CDH13: variants seen among roughly 807,000 people sequenced by gnomAD.
CDH13 encodes cadherin-13.
In CDH13, 24 loss-of-function variants were observed where a neutral mutation model predicts 63.8. That is an observed-to-expected ratio of 0.38 (90% CI 0.27 to 0.53). The LOEUF (loss-of-function observed/expected upper bound fraction) is 0.53, where lower values mean the gene tolerates loss of function less well. Among genes scored for constraint, CDH13 ranks in the 20% least tolerant of loss-of-function variants. The probability of loss-of-function intolerance (pLI) is 0.85; values close to 1 mark genes in which losing one functional copy is unlikely to be tolerated. For synonymous variants in CDH13, 503 were observed against 355.3 expected (o/e 1.42, Z -4.67); for missense variants, 1,049 against 903.1 (o/e 1.16, Z -2.07).
At chr16:83,385,599 A>G (rs140037134) in intron 6 of CDH13, among the ~76,000 whole-genome samples, 2,143 of 152,296 alleles carry the variant, frequency 0.014, 18 homozygotes, top group Middle Eastern at 0.034. Flanking sequence ...TGGGGTCTCT[A>G]TGGTCACCTA....
chr16:83,141,008 C>G (rs1006519532), intron 4 of CDH13, among the ~76,000 whole-genome samples: 1 of 152,174 alleles, frequency 6.6e-6, no homozygotes, highest in Non-Finnish European at 1.5e-5. Context: ...TTTGAAGTTC[C>G]CAATGAACCA....
At chr16:82,889,240 A>C (rs1318911668) in intron 2 of CDH13, among the ~76,000 whole-genome samples, 2 of 152,150 alleles carry the variant, frequency 1.3e-5, no homozygotes, top group Admixed American at 6.5e-5. Context: ...ATTGGTTTTT[A>C]CATGAAGTTA....
chr16:82,792,656 C>T (rs2036376405), intron 1 of CDH13, among the ~76,000 whole-genome samples: 1 of 152,210 alleles, frequency 6.6e-6, no homozygotes, highest in Admixed American at 6.5e-5. Context: ...GACCTTCATT[C>T]AGGGTGAATT....
chr16:83,778,030 A>T (rs1351988078), intron 11 of CDH13, among the ~76,000 whole-genome samples: 1 of 152,220 alleles, frequency 6.6e-6, no homozygotes, highest in Non-Finnish European at 1.5e-5. Flanking sequence ...GAGGTGCTTC[A>T]AATTATTTTG....
intron 4 of CDH13, among the ~76,000 whole-genome samples, chr16:83,152,806 T>C (rs1297262545): frequency 6.6e-6 from 1 of 152,154 alleles, no homozygotes; most frequent in African/African-American, 2.4e-5. Context: ...CAGATATAAT[T>C]AGTTAAGATG....
At chr16:82,923,141 C>T (rs181368444) in intron 2 of CDH13, among the ~76,000 whole-genome samples, 4 of 152,178 alleles carry the variant, frequency 2.6e-5, no homozygotes, top group East Asian at 1.9e-4. Flanking sequence ...AGGGTTGCCA[C>T]GAAGCTGCAA....
At chr16:83,257,395 C>T (rs188563410) in intron 5 of CDH13, among the ~76,000 whole-genome samples, 1 of 152,028 alleles carries the variant, frequency 6.6e-6, no homozygotes, top group South Asian at 2.1e-4. Context: ...CCCCAAAGGC[C>T]AAAGTTCATG....
intron 2 of CDH13, among the ~76,000 whole-genome samples, chr16:83,001,259 G>A (rs937751873): frequency 1.3e-5 from 2 of 152,232 alleles, no homozygotes; most frequent in South Asian, 2.1e-4. Flanking sequence ...ATCTTCTTAA[G>A]TCGTTCTTGC....
chr16:83,055,244 C>A (rs373947813), intron 3 of CDH13, among the ~76,000 whole-genome samples: 1 of 151,600 alleles, frequency 6.6e-6, no homozygotes, highest in Non-Finnish European at 1.5e-5. Flanking sequence ...AAATTTAACT[C>A]TAATAAAATG....
intron 7 of CDH13, among the ~76,000 whole-genome samples, chr16:83,528,221 C>A (rs1413813135): frequency 6.6e-6 from 1 of 152,218 alleles, no homozygotes; most frequent in Non-Finnish European, 1.5e-5. Flanking sequence ...AGTAATATCC[C>A]TGCAGCTATT....
At chr16:83,720,178 C>T (rs980457577) in intron 10 of CDH13, among the ~76,000 whole-genome samples, 13 of 152,144 alleles carry the variant, frequency 8.5e-5, no homozygotes, top group African/African-American at 1.7e-4. Context: ...CCAGTACATA[C>T]GTACACACAC....
chr16:83,746,206 C>T (rs548778478), intron 10 of CDH13, among the ~76,000 whole-genome samples: 9 of 152,328 alleles, frequency 5.9e-5, no homozygotes, highest in East Asian at 1.9e-4. Context: ...AAAACCAAGA[C>T]GTTGGCAGGG....
chr16:83,495,752 A>G (rs2074124457), intron 7 of CDH13, among the ~76,000 whole-genome samples: 1 of 152,164 alleles, frequency 6.6e-6, no homozygotes. Context: ...CTCTTTTGAG[A>G]CTTTTTGGCT....
chr16:83,486,452 G>A lies in CDH13; in HGVS notation c.782-25G>A, dbSNP rs138575365. On this transcript the variant is annotated intron_variant, in intron 6 of 13. Transcript: ENST00000567109. ...TTGTTGACCCATTGATAACCATTCC[G>A]TGCCTTTCTGTCTTGCCCCGGTAGG... 1.9e-4 allele frequency: 301 copies of A among 1,600,896 alleles called. No individual in the cohort carries two copies. In the Admixed American group the frequency reaches 3.2e-3, roughly 17 times the overall value.
chr16:83,274,768 C>T (rs1009889019), intron 5 of CDH13, among the ~76,000 whole-genome samples: 1 of 152,158 alleles, frequency 6.6e-6, no homozygotes, highest in Non-Finnish European at 1.5e-5. Flanking sequence ...GGGCCCCACG[C>T]CAGATCTACT....
At chr16:82,660,219 T>G (rs1221516006) in intron 1 of CDH13, among the ~76,000 whole-genome samples, 2 of 152,058 alleles carry the variant, frequency 1.3e-5, no homozygotes, top group African/African-American at 2.4e-5. Flanking sequence ...ACAAATTGAG[T>G]ATCTTGGTTT....
chr16:82,705,834 T>C (rs2031441283), intron 1 of CDH13, among the ~76,000 whole-genome samples: 1 of 152,236 alleles, frequency 6.6e-6, no homozygotes, highest in African/African-American at 2.4e-5. Context: ...TCACGCATTC[T>C]CTGCCAAGTG....
At chr16:83,196,703 G>A (rs995380236) in intron 4 of CDH13, among the ~76,000 whole-genome samples, 1 of 152,154 alleles carries the variant, frequency 6.6e-6, no homozygotes, top group African/African-American at 2.4e-5. Context: ...CAACTCATTA[G>A]CCATGAGGGA....
At chr16:83,476,588 A>T (rs1451196402) in intron 6 of CDH13, among the ~76,000 whole-genome samples, 1 of 152,174 alleles carries the variant, frequency 6.6e-6, no homozygotes, top group Non-Finnish European at 1.5e-5. Flanking sequence ...CATGAGAATC[A>T]CTTGAACCTG....
Sources: gnomAD v4.1 joint callset for allele counts (sites outside exome capture counted in the v4.1 genomes callset) on GRCh38, gnomAD v4.1.1 for gene constraint, MANE v1.5 for transcripts, NCBI Gene and HGNC (gene_info 2026-07-23, HGNC 2026-07-21) for gene names.